SLC30A8: variants seen among roughly 807,000 people sequenced by gnomAD.
The protein encoded by SLC30A8 is solute carrier family 30 member 8.
In SLC30A8, 27 loss-of-function variants were observed where a neutral mutation model predicts 36.9. The observed-to-expected ratio is 0.73, with a 90% CI of 0.54 to 1.01. The LOEUF (loss-of-function observed/expected upper bound fraction) is 1.01. Ranked by LOEUF, SLC30A8 falls within the 50% of genes least tolerant of loss-of-function variation. The pLI is 0.00. For missense variants in SLC30A8, 439 were observed against 452.0 expected, an observed-to-expected ratio of 0.97 and a Z score of 0.26; for synonymous variants, 164 against 172.4, an observed-to-expected ratio of 0.95 and a Z score of 0.38.
chr8:117,044,300 T>G (rs900850514), intron 2 of SLC30A8, among the ~76,000 whole-genome samples: 5 of 152,212 alleles, frequency 3.3e-5, no homozygotes, highest in African/African-American at 9.7e-5. Flanking sequence ...TAACATTGTT[T>G]ATTCATTGGA....
chr8:117,093,649 CACTA>C (rs1363966061), intron 2 of SLC30A8, among the ~76,000 whole-genome samples: 1 of 152,178 alleles, frequency 6.6e-6, no homozygotes, highest in Non-Finnish European at 1.5e-5. Flanking sequence ...TAATTAGTAA[CACTA>C]ACTCATTAGT....
intron 1 of SLC30A8, among the ~76,000 whole-genome samples, chr8:117,006,556 T>A (rs1169949311): frequency 1.3e-5 from 2 of 152,114 alleles, no homozygotes; most frequent in African/African-American, 4.8e-5. Flanking sequence ...TCCAAGAAGC[T>A]GGGAAAGCGA....
chr8:117,161,154 A>G (rs1197377277), intron 4 of SLC30A8, among the ~76,000 whole-genome samples: 1 of 152,218 alleles, frequency 6.6e-6, no homozygotes, highest in Non-Finnish European at 1.5e-5. Flanking sequence ...ATATATTTCT[A>G]CTTCTGGATT....
intron 1 of SLC30A8, among the ~76,000 whole-genome samples, chr8:117,006,237 T>A (rs1816167242): frequency 6.6e-6 from 1 of 152,198 alleles, no homozygotes; most frequent in Admixed American, 6.5e-5. Context: ...CATTGTGGTT[T>A]ATTTTTCTTA....
chr8:117,096,471 T>G (rs1819367905), intron 2 of SLC30A8, among the ~76,000 whole-genome samples: 1 of 152,134 alleles, frequency 6.6e-6, no homozygotes, highest in African/African-American at 2.4e-5. Context: ...AGAAAGTAGA[T>G]GCATTTAATG....
intron 1 of SLC30A8, among the ~76,000 whole-genome samples, chr8:117,142,890 T>G (rs1821719462): frequency 6.6e-6 from 1 of 152,184 alleles, no homozygotes; most frequent in African/African-American, 2.4e-5. Context: ...CAACATGGTA[T>G]CATTAACACT....
chr8:117,031,594 G>A (rs1049469272), intron 1 of SLC30A8, among the ~76,000 whole-genome samples: 3 of 151,760 alleles, frequency 2.0e-5, no homozygotes, highest in Admixed American at 2.0e-4. Context: ...CCGAGTAGCT[G>A]GGATTACAGG....
chr8:116,979,238 C>CAAA (rs67998633), intron 1 of SLC30A8, among the ~76,000 whole-genome samples: 14 of 64,280 alleles, frequency 2.2e-4, no homozygotes, highest in East Asian at 5.0e-4. Flanking sequence ...GACCCTGTCT[C>CAAA]AAAAAAAAAA....
chr8:117,060,854 GTTTA>G (rs1434944304), intron 2 of SLC30A8, among the ~76,000 whole-genome samples: 4 of 151,620 alleles, frequency 2.6e-5, no homozygotes, highest in African/African-American at 9.7e-5. Context: ...TCATCACTTT[GTTTA>G]TTTATTTATT....
intron 1 of SLC30A8, among the ~76,000 whole-genome samples, chr8:116,970,739 T>G (rs1052424563): frequency 6.6e-6 from 1 of 152,214 alleles, no homozygotes; most frequent in Non-Finnish European, 1.5e-5. Context: ...ATAAAATCAC[T>G]TAGAACAAAG....
At chr8:117,098,103 G>A (rs1235165564) in intron 2 of SLC30A8, among the ~76,000 whole-genome samples, 4 of 138,314 alleles carry the variant, frequency 2.9e-5, no homozygotes, top group Admixed American at 7.9e-5. Context: ...TATAATATAC[G>A]TTCTGTGAAG....
chr8:117,150,698 C>T (rs1165064873), intron 2 of SLC30A8, among the ~76,000 whole-genome samples: 3 of 152,112 alleles, frequency 2.0e-5, no homozygotes, highest in Admixed American at 6.5e-5. Context: ...CTCCGCCTCC[C>T]GGGTTCACGC....
In SLC30A8 at chr8:117,161,840, A is replaced by G. The variant is rs1822806093; in HGVS notation, c.675A>G (p.Leu225=). The G allele has an allele frequency of 1.2e-6, 2 of 1,613,850 alleles. No individual in the cohort carries two copies. Among genetic ancestry groups the G allele is most frequent in the South Asian group, 1.1e-5 (1 of 91,080 alleles). The part of the protein sequence containing the change: ...RAAFVHALGD[L]FQSISVLISA... ...CTTTTGTGCATGCCCTTGGAGATCT[A>G]TTTCAGAGTATCAGTGTGCTAATTA... is the stretch of plus-strand genomic sequence containing the variant. The change falls in exon 5 of 8, where the codon CTA becomes CTG. Residue 225 remains leucine (L), a synonymous_variant. Coordinates refer to ENST00000456015, the MANE Select transcript of SLC30A8 (RefSeq NM_173851.3).
rs191240545 is a variant in SLC30A8, at chr8:116,963,468, A to G, written c.-266+12349A>G. On this transcript the variant is annotated intron_variant, in intron 1 of 10. Coordinates refer to the SLC30A8 transcript ENST00000427715. The stretch of plus-strand genomic sequence containing the variant: ...TCCTCCCCAGATCCTGACAACTGCT[A>G]ATATACTTTATGGATTTGTCAATTC... Among the ~76,000 whole-genome samples the G allele has an allele frequency of 3.9e-5, 6 of 152,304 alleles. No homozygotes were observed. The East Asian group carries it at 1.2e-3, about 29-fold the overall frequency.
chr8:117,010,224 G>A (rs989952446), intron 1 of SLC30A8, among the ~76,000 whole-genome samples: 3 of 152,186 alleles, frequency 2.0e-5, no homozygotes, highest in Non-Finnish European at 4.4e-5. Context: ...AAGCGGTTAG[G>A]CTCTGGAACC....
intron 2 of SLC30A8, among the ~76,000 whole-genome samples, chr8:117,126,339 A>C (rs978823209): frequency 1.3e-5 from 2 of 152,054 alleles, no homozygotes; most frequent in African/African-American, 4.8e-5. Context: ...AAATTACTTC[A>C]TTTAATTTTT....
At chr8:117,125,283 C>T (rs1451490368) in intron 2 of SLC30A8, among the ~76,000 whole-genome samples, 1 of 151,916 alleles carries the variant, frequency 6.6e-6, no homozygotes, top group Non-Finnish European at 1.5e-5. Context: ...TTTTCATTTA[C>T]TCCATTCTTT....
intron 7 of SLC30A8, among the ~76,000 whole-genome samples, chr8:117,171,847 C>A (rs1823401761): frequency 6.6e-6 from 1 of 152,084 alleles, no homozygotes; most frequent in African/African-American, 2.4e-5. Context: ...AAAAATGACT[C>A]AAGGAGTTAC....
intron 2 of SLC30A8, among the ~76,000 whole-genome samples, chr8:117,072,383 G>A (rs1200157649): frequency 6.6e-6 from 1 of 152,116 alleles, no homozygotes; most frequent in Non-Finnish European, 1.5e-5. Context: ...GGAATATGCA[G>A]ATATAGTGAA....
Sources: allele counts gnomAD v4.1 joint callset (sites outside exome capture counted in the v4.1 genomes callset), GRCh38; gene constraint gnomAD v4.1.1; transcripts MANE v1.5; gene names NCBI Gene and HGNC (gene_info 2026-07-23, HGNC 2026-07-21).